The following SNTN variants were observed in gnomAD, a reference collection of about 807,000 sequenced individuals.
SNTN encodes the protein sentan.
A neutral mutation model predicts 12.3 loss-of-function variants in SNTN; 13 were observed. The ratio of observed to expected loss-of-function variants is 1.05; its 90% CI spans 0.69 to 1.67. The LOEUF (loss-of-function observed/expected upper bound fraction) is 1.67. Ranked by LOEUF, SNTN falls within the 40% of genes most tolerant of loss-of-function variation. SNTN has a pLI of 0.00. For synonymous variants in SNTN, 69 were observed against 58.5 expected, an observed-to-expected ratio of 1.18 and a Z score of -0.82; for missense variants, 189 against 169.8, an observed-to-expected ratio of 1.11 and a Z score of -0.63.
intron 1 of SNTN, among the ~76,000 whole-genome samples, 165 bp from the exon 2 acceptor site, chr3:63,654,597 G>T (rs566242251): frequency 6.6e-6 from 1 of 152,260 alleles, no homozygotes; most frequent in South Asian, 2.1e-4. Flanking sequence ...TTACTATGTG[G>T]CAGGGAGAAA....
chr3:63,654,730 G>A (rs774756050), intron 1 of SNTN, 32 bp from the exon 2 acceptor site: 5 of 1,609,252 alleles, frequency 3.1e-6, no homozygotes, highest in South Asian at 1.1e-5. Context: ...CCAACTCCCA[G>A]AATCATTCTG....
chr3:63,659,129 C>G (rs546996962), intron 2 of SNTN, among the ~76,000 whole-genome samples: 1 of 152,234 alleles, frequency 6.6e-6, no homozygotes, highest in East Asian at 1.9e-4. Flanking sequence ...TTCACAGCAG[C>G]ACAGTGGAAA....
chr3:63,661,960 T>C (rs1470175484), intron 3 of SNTN, among the ~76,000 whole-genome samples: 1 of 152,046 alleles, frequency 6.6e-6, no homozygotes, highest in Admixed American at 6.6e-5. Context: ...TAAAAACCGG[T>C]CCTTAGGAAA....
intron 2 of SNTN, among the ~76,000 whole-genome samples, chr3:63,655,021 AT>A (rs1308881376): frequency 6.6e-6 from 1 of 152,178 alleles, no homozygotes; most frequent in East Asian, 1.9e-4. Flanking sequence ...CAGAGCTGAG[AT>A]GAGACCATGG....
At chr3:63,655,116 G>A (rs1318837548) in intron 2 of SNTN, among the ~76,000 whole-genome samples, 1 of 152,082 alleles carries the variant, frequency 6.6e-6, no homozygotes, top group Admixed American at 6.6e-5. Context: ...TCTAGAGCAG[G>A]ACCATGAGTA....
intron 2 of SNTN, among the ~76,000 whole-genome samples, chr3:63,656,066 C>T (rs1394711398): frequency 6.6e-6 from 1 of 152,208 alleles, no homozygotes; most frequent in African/African-American, 2.4e-5. Context: ...CAACTTCTCT[C>T]CTGTAGGTCT....
intron 2 of SNTN, among the ~76,000 whole-genome samples, chr3:63,656,512 TTGTTTATATTGA>T (rs1700680999): frequency 6.6e-6 from 1 of 152,178 alleles, no homozygotes; most frequent in African/African-American, 2.4e-5. Flanking sequence ...TCCCAATAAT[TTGTTTATATTGA>T]TGACATGTTG....
chr3:63,664,112 T>C lies in SNTN; in HGVS notation c.*17T>C. 1.9e-6 allele frequency: 3 copies of C among 1,568,794 alleles called. No individual in the cohort carries two copies. Among genetic ancestry groups the C allele is most frequent in the South Asian group, 2.4e-5 (2 of 84,664 alleles). ...ATGAAATGAACAGTTTTAAATATGCTGTATAAAATAATGGCAAAAGACAGT... is the reference window on the plus strand; with the variant it reads ...ATGAAATGAACAGTTTTAAATATGCCGTATAAAATAATGGCAAAAGACAGT... On this transcript the variant is annotated 3_prime_UTR_variant, in exon 4 of 4. Transcript: ENST00000343837.
intron 3 of SNTN, 119 bp from the exon 4 acceptor site, chr3:63,663,818 T>A: frequency 7.7e-7 from 1 of 1,291,632 alleles, no homozygotes; most frequent in Non-Finnish European, 1.1e-6. Context: ...TCTTTATAAA[T>A]CACTCAGTCT....
intron 1 of SNTN, among the ~76,000 whole-genome samples, chr3:63,653,059 C>G (rs1700637708): frequency 7.9e-5 from 12 of 152,196 alleles, no homozygotes; most frequent in Admixed American, 7.9e-4. Flanking sequence ...TTGGTGATGA[C>G]TTAACTGTGT....
chr3:63,659,349 T>C (rs1017656783), intron 2 of SNTN, among the ~76,000 whole-genome samples: 6 of 152,206 alleles, frequency 3.9e-5, no homozygotes, highest in African/African-American at 1.4e-4. Context: ...GACTTCATTT[T>C]ATTCGGTGAT....
chr3:63,652,748 CCTT>C lies in SNTN; in HGVS notation c.64_66del (p.Ser22del). ...TCTCCACTTGGAAGGAGATCCCAAT[CCTT>C]CTGCAGCCCCAACATCCACCTGCGC... On this transcript the variant is annotated inframe_deletion, in exon 1 of 4. Transcript: ENST00000343837. 1 of 1,614,124 alleles carries C rather than the reference CCTT, an allele frequency of 6.2e-7. No homozygotes were observed. Among genetic ancestry groups the C allele is most frequent in the South Asian group, 1.1e-5 (1 of 91,084 alleles).
chr3:63,652,797 G>T lies in SNTN; in HGVS notation c.110G>T (p.Arg37Met), dbSNP rs757911659. 5 of 1,613,306 alleles carry T rather than the reference G, an allele frequency of 3.1e-6. No individual in the cohort carries two copies. The highest frequency in any genetic ancestry group is 1.7e-5 in the Admixed American group (1 of 59,970). ...STCAPRKMPKRISISKQLASV... is the reference protein window; with the variant it reads ...STCAPRKMPKMISISKQLASV... ...TGCGCACCTAGGAAAATGCCCAAAA[G>T]GTCAGTGGCACTTGGCTGTCTTTTA... Residue 37 changes from arginine to methionine, a missense_variant and splice_region_variant, in exon 1 of 4, where the codon AGG (arginine) becomes ATG (methionine). Coordinates refer to ENST00000343837, the MANE Select transcript of SNTN (RefSeq NM_001080537.2).
chr3:63,664,699 TG>T lies in SNTN; in HGVS notation c.*608del. The T allele has an allele frequency of 6.6e-6, 1 of 151,292 alleles. No individual in the cohort carries two copies. Among genetic ancestry groups the T allele is most frequent in the Non-Finnish European group, 1.5e-5 (1 of 67,890 alleles). The allele number at this position is 151,292 out of a possible 1,614,324, so 9.4% of individuals were successfully genotyped here. On this transcript the variant is annotated 3_prime_UTR_variant, in exon 4 of 4. Transcript: ENST00000343837. ...GGATGCCAGGGATATGGGTGGGAAA[TG>T]GGGCTGTCCACAAATGGCACAAGGG...
intron 2 of SNTN, among the ~76,000 whole-genome samples, chr3:63,657,869 T>G (rs1442263991): frequency 1.3e-5 from 2 of 152,326 alleles, no homozygotes; most frequent in South Asian, 2.1e-4. Context: ...TAACCAAATA[T>G]ATAGCCTGGG....
intron 2 of SNTN, among the ~76,000 whole-genome samples, chr3:63,657,274 A>G (rs1315459778): frequency 6.6e-6 from 1 of 152,180 alleles, no homozygotes; most frequent in African/African-American, 2.4e-5. Context: ...GGCCTGGCTT[A>G]ATGTCTTTCC....
intron 1 of SNTN, among the ~76,000 whole-genome samples, chr3:63,653,716 C>T (rs1700645900): frequency 1.3e-5 from 2 of 152,200 alleles, no homozygotes; most frequent in Non-Finnish European, 1.5e-5. Flanking sequence ...CAAGATACAA[C>T]TTCCTGCCTC....
intron 2 of SNTN, among the ~76,000 whole-genome samples, chr3:63,655,326 A>G (rs1700665977): frequency 6.6e-6 from 1 of 152,220 alleles, no homozygotes. Flanking sequence ...GTATACTTGG[A>G]TCATTCTTTT....
intron 3 of SNTN, 31 bp from the exon 4 acceptor site, chr3:63,663,906 G>A (rs200543464): frequency 1.1e-5 from 18 of 1,603,880 alleles, no homozygotes; most frequent in South Asian, 2.3e-5. Context: ...TCTATACAAC[G>A]AATTCGGTTT....
Sources: gnomAD v4.1 joint callset for allele counts (sites outside exome capture counted in the v4.1 genomes callset) on GRCh38, gnomAD v4.1.1 for gene constraint, MANE v1.5 for transcripts, NCBI Gene and HGNC (gene_info 2026-07-23, HGNC 2026-07-21) for gene names.